COL17A1: variants seen among roughly 807,000 people sequenced by gnomAD.
COL17A1 encodes collagen type XVII alpha 1 chain, also known as collagen alpha-1(XVII) chain.
COL17A1 carries 181 observed loss-of-function variants against 218.4 expected under a neutral mutation model. The observed-to-expected ratio is 0.83, with a 90% CI of 0.73 to 0.94. The LOEUF is 0.94. COL17A1 is among the 40% of genes least tolerant of loss of function. The pLI is 0.00. For missense variants in COL17A1, 1,924 were observed against 1,945.9 expected, an observed-to-expected ratio of 0.99 and a Z score of 0.21; for synonymous variants, 721 against 731.0, an observed-to-expected ratio of 0.99 and a Z score of 0.22.
At chr10:104,048,160 C>A (rs771953622) in intron 29 of COL17A1, 56 bp from the exon 30 acceptor site, 189 of 1,588,346 alleles carry the variant, frequency 1.2e-4, no homozygotes, top group Non-Finnish European at 1.6e-4. Context: ...TCTGCGATTC[C>A]TCCCTCTACT....
intron 9 of COL17A1, among the ~76,000 whole-genome samples, chr10:104,068,998 C>A (rs538587272): frequency 6.6e-6 from 1 of 152,070 alleles, no homozygotes; most frequent in African/African-American, 2.4e-5. Context: ...CACTGGGGTC[C>A]CCAGGATATG....
chr10:104,083,660 A>G (rs2086783740), intron 1 of COL17A1, among the ~76,000 whole-genome samples: 1 of 152,034 alleles, frequency 6.6e-6, no homozygotes, highest in South Asian at 2.1e-4. Context: ...TCTAACATAC[A>G]CACACACACA....
chr10:104,077,314 T>C, intron 4 of COL17A1, 108 bp downstream of exon 4: 2 of 823,790 alleles, frequency 2.4e-6, no homozygotes, highest in Admixed American at 2.0e-5. Context: ...GTCCCTTTTG[T>C]GCACTGATTC....
In COL17A1 at chr10:104,070,511, G is replaced by A. The variant is rs773567207; in HGVS notation, c.522C>T (p.Ser174=). ...LLKGSRSASV[S]PTRNSSNTLP... Reference sequence around the variant, plus strand: ...GTGTGTTGGAGGAATTCCGGGTGGGGCTCACACTTGCCGATCGACTCCCCT... The same window carrying A: ...GTGTGTTGGAGGAATTCCGGGTGGGACTCACACTTGCCGATCGACTCCCCT... The change falls in exon 9 of 56, where the codon AGC becomes AGT. Residue 174 remains serine, a synonymous_variant. Transcript: ENST00000648076. The A allele has an allele frequency of 3.1e-6, 5 of 1,614,152 alleles. No homozygotes were observed. The Admixed American group carries it at 8.3e-5, about 27-fold the overall frequency.
chr10:104,060,981 G>A (rs1160063600), intron 13 of COL17A1, among the ~76,000 whole-genome samples: 1 of 152,212 alleles, frequency 6.6e-6, no homozygotes, highest in Non-Finnish European at 1.5e-5. Context: ...GAACAATGGA[G>A]GAAACAGCTC....
rs1032852599 is a variant in COL17A1 at position 104,038,934 on chromosome 10, C to T, written c.2947+137G>A. 24 of 1,029,626 alleles carry T rather than the reference C, an allele frequency of 2.3e-5. No homozygotes were observed. In the Admixed American group the frequency reaches 3.9e-4, roughly 17 times the overall value. 63.8% of individuals were successfully genotyped at this position (1,029,626 alleles called of 1,614,324 possible). On this transcript the variant is annotated intron_variant, in intron 44 of 55. Transcript: ENST00000648076. ...ACCTCCTTAAAGGCAGCTCATAGGT[C>T]CTAGCACATGGAGAAGACAGCCAAT...
intron 48 of COL17A1, 95 bp downstream of exon 48, chr10:104,036,397 G>T (rs1176629803): frequency 5.2e-6 from 8 of 1,539,556 alleles, no homozygotes; most frequent in Non-Finnish European, 6.2e-6. Context: ...CTGGCAGGTG[G>T]GGGTCAGTGG....
At position 104,055,869 on chromosome 10, in the gene COL17A1, C is replaced by T; in HGVS notation, c.1600G>A (p.Asp534Asn). Residue 534 changes from aspartate (D) to asparagine (N), a missense_variant, in exon 18 of 56, where the codon GAC becomes AAC. Asp to Asn is a conservative substitution (Grantham distance 23). Coordinates refer to ENST00000648076, the MANE Select transcript of COL17A1 (RefSeq NM_000494.4). ...CTGTGCAGCCCAATTTTGTCCAGGT[C>T]TGCTCCCGCCGCGGGTGCCATGCCC... ...LQGMAPAAGA[D>N]LDKIGLHSDS... 1 of 1,614,230 alleles carries T rather than the reference C, an allele frequency of 6.2e-7. No homozygotes were observed. The highest frequency in any genetic ancestry group is 1.3e-5 in the African/African-American group (1 of 75,060).
At chr10:104,059,781 G>A in intron 14 of COL17A1, 63 bp from the exon 15 acceptor site, 1 of 1,536,374 alleles carries the variant, frequency 6.5e-7, no homozygotes, top group South Asian at 1.1e-5. Context: ...TCTGTCCTGT[G>A]TTCCCCCCGC....
chr10:104,070,198 A>G (rs1034000769), intron 9 of COL17A1, among the ~76,000 whole-genome samples: 1 of 152,234 alleles, frequency 6.6e-6, no homozygotes, highest in Non-Finnish European at 1.5e-5. Flanking sequence ...TGAGTCTTAC[A>G]TTGTGGGAAT....
rs75624669 is a variant in COL17A1 at position 104,052,381 on chromosome 10, C to A, written c.1940-164G>T. On this transcript the variant is annotated intron_variant, in intron 23 of 55. Coordinates refer to ENST00000648076, the MANE Select transcript of COL17A1 (RefSeq NM_000494.4). ...TATCAGCAAAACTCCTTAGCTTCTA[C>A]CCCCAGAGACTTTATAGTCTATGGA... is the stretch of plus-strand genomic sequence containing the variant. 2.0e-3 allele frequency among the ~76,000 whole-genome samples: 298 copies of A among 152,240 alleles called. 1 individual carries two copies. Among genetic ancestry groups the A allele is most frequent in the Middle Eastern group, 0.01 (3 of 294 alleles).
Position 104,072,029 on chromosome 10 carries a change from T to C in COL17A1, c.463+3A>G. 1 of 1,614,096 alleles carries C rather than the reference T, an allele frequency of 6.2e-7. No homozygotes were observed. ...TCTTTTCAGCAAGATCATGACCACT[T>C]ACATCGGGTGGATGGGGACGCACTC... On this transcript the variant is annotated splice_donor_region_variant and intron_variant, in intron 8 of 55. Transcript: ENST00000648076.
At chr10:104,036,777 G>A in intron 47 of COL17A1, 145 bp from the exon 48 acceptor site, 1 of 1,050,920 alleles carries the variant, frequency 9.5e-7, no homozygotes. Context: ...CGGTGTTCAG[G>A]GGGGACACCA....
Position 104,076,323 on chromosome 10 carries a change from GTGAGTT to G in COL17A1, c.303_308del (p.Lys101_His103delinsAsn). The G allele has an allele frequency of 6.2e-7, 1 of 1,614,178 alleles. No homozygotes were observed. The highest frequency in any genetic ancestry group is 8.5e-7 in the Non-Finnish European group (1 of 1,180,010). The stretch of plus-strand genomic sequence containing the variant: ...TACCTTCATACGCATGGCGGGTAAC[GTGAGTT>G]TTCCTTTCAAAGGTTGAGCCTGGGG... On this transcript the variant is annotated inframe_deletion, in exon 5 of 56. Coordinates refer to ENST00000648076, the MANE Select transcript of COL17A1 (RefSeq NM_000494.4).
At chr10:104,072,341 T>C (rs2086676265) in intron 7 of COL17A1, among the ~76,000 whole-genome samples, 1 of 151,956 alleles carries the variant, frequency 6.6e-6, no homozygotes, top group Admixed American at 6.6e-5. Context: ...AGCAAGGAGG[T>C]TCCAGTACAA....
At chr10:104,057,312 C>T in intron 16 of COL17A1, 140 bp from the exon 17 acceptor site, 1 of 1,362,362 alleles carries the variant, frequency 7.3e-7, no homozygotes, top group Admixed American at 1.8e-5. Context: ...CCACCCAGGA[C>T]AGGGCTGGCT....
At chr10:104,078,502 G>A (rs2086731432) in intron 3 of COL17A1, 40 bp downstream of exon 3, 1 of 1,614,004 alleles carries the variant, frequency 6.2e-7, no homozygotes, top group African/African-American at 1.3e-5. Flanking sequence ...CCCTTCAAAT[G>A]TGACCTACTG....
At chr10:104,064,292 C>G (rs965650654) in intron 10 of COL17A1, 146 bp downstream of exon 10, 4 of 1,354,744 alleles carry the variant, frequency 3.0e-6, no homozygotes, top group Non-Finnish European at 4.1e-6. Flanking sequence ...ACTGAAGTTC[C>G]AGGGGGAATC....
intron 28 of COL17A1, 57 bp downstream of exon 28, chr10:104,050,032 C>T: frequency 3.7e-6 from 6 of 1,613,344 alleles, no homozygotes; most frequent in Non-Finnish European, 5.1e-6. Context: ...AACCTAGTGA[C>T]TGATGGATTT....
Sources: allele counts gnomAD v4.1 joint callset (sites outside exome capture counted in the v4.1 genomes callset), GRCh38; gene constraint gnomAD v4.1.1; transcripts MANE v1.5; gene names NCBI Gene and HGNC (gene_info 2026-07-23, HGNC 2026-07-21).